The following CNTN4 variants were observed in gnomAD, a reference collection of about 807,000 sequenced individuals.
The protein encoded by CNTN4 is contactin 4.
CNTN4 carries 77 observed loss-of-function variants against 122.5 expected under a neutral mutation model. The ratio of observed to expected loss-of-function variants is 0.63; its 90% CI spans 0.52 to 0.76. The LOEUF (loss-of-function observed/expected upper bound fraction) is 0.76. Ranked by LOEUF, CNTN4 falls within the 30% of genes least tolerant of loss-of-function variation. The probability of loss-of-function intolerance (pLI) is 0.00; values close to 1 mark genes in which losing one functional copy is unlikely to be tolerated. For missense variants in CNTN4, 1,256 were observed against 1,259.1 expected, an observed-to-expected ratio of 1.00 and a Z score of 0.04; for synonymous variants, 512 against 447.0, an observed-to-expected ratio of 1.15 and a Z score of -1.83.
At chr3:2,587,465 C>T (rs2080253431) in intron 4 of CNTN4, among the ~76,000 whole-genome samples, 1 of 152,148 alleles carries the variant, frequency 6.6e-6, no homozygotes, top group South Asian at 2.1e-4. Flanking sequence ...GAGATAAATT[C>T]TTCCTTATCC....
At chr3:2,981,637 A>G (rs76862253) in intron 13 of CNTN4, among the ~76,000 whole-genome samples, 1,647 of 152,338 alleles carry the variant, frequency 0.011, 33 homozygotes, top group African/African-American at 0.037. Flanking sequence ...GGAAAGGAAG[A>G]AAATATCTAA....
intron 14 of CNTN4, 134 bp downstream of exon 14, chr3:2,988,606 A>G (rs1312120547): frequency 9.0e-6 from 8 of 892,756 alleles, no homozygotes; most frequent in Non-Finnish European, 1.5e-5. Context: ...CATCACGGCA[A>G]ACATGATATG....
chr3:2,157,216 A>T (rs17008507), intron 2 of CNTN4, among the ~76,000 whole-genome samples: 22,376 of 152,244 alleles, frequency 0.15, 1,918 homozygotes, highest in South Asian at 0.33. Context: ...ATGAGATTAC[A>T]TAAGACCTGG....
rs77912710 is a variant in CNTN4 at position 2,543,093 on chromosome 3, T to C, written c.-88-28323T>C. ...AGATAAATCTTTACCATTTATTTAG[T>C]TCTTCATTGCTCTGGGAAACCTATA... On this transcript the variant is annotated intron_variant, in intron 3 of 24. Transcript: ENST00000418658. Among the ~76,000 whole-genome samples, 831 of 152,236 alleles carry C rather than the reference T, an allele frequency of 5.5e-3. 7 individuals carry two copies. The highest frequency in any genetic ancestry group is 0.019 in the African/African-American group (786 of 41,554).
At chr3:2,693,472 A>G (rs1225623068) in intron 4 of CNTN4, among the ~76,000 whole-genome samples, 1 of 152,176 alleles carries the variant, frequency 6.6e-6, no homozygotes, top group Non-Finnish European at 1.5e-5. Context: ...AAGCATATAG[A>G]TGGTGACAAA....
intron 2 of CNTN4, among the ~76,000 whole-genome samples, chr3:2,124,964 A>G (rs1410502654): frequency 1.3e-5 from 2 of 152,196 alleles, no homozygotes; most frequent in African/African-American, 4.8e-5. Context: ...TACTGGTAAG[A>G]TCACTTGACA....
intron 3 of CNTN4, among the ~76,000 whole-genome samples, chr3:2,521,724 A>G (rs1296047952): frequency 2.0e-5 from 3 of 152,072 alleles, no homozygotes; most frequent in Admixed American, 2.0e-4. Context: ...CCCCAAGTCT[A>G]TTGACTTTTC....
intron 6 of CNTN4, among the ~76,000 whole-genome samples, chr3:2,762,396 G>T (rs113301549): frequency 0.024 from 3,723 of 152,166 alleles, 161 homozygotes; most frequent in African/African-American, 0.085. Flanking sequence ...CCCAGTATCT[G>T]TTGTTCCCTT....
At chr3:2,414,949 G>T (rs949343623) in intron 3 of CNTN4, among the ~76,000 whole-genome samples, 2 of 152,140 alleles carry the variant, frequency 1.3e-5, no homozygotes, top group African/African-American at 4.8e-5. Flanking sequence ...AGTGAGCCTC[G>T]TTGCAAAACT....
intron 12 of CNTN4, among the ~76,000 whole-genome samples, chr3:2,917,247 A>G (rs1053626605): frequency 6.6e-6 from 1 of 151,846 alleles, no homozygotes; most frequent in African/African-American, 2.4e-5. Flanking sequence ...CCGAGATGGC[A>G]GCAGCACAGT....
intron 19 of CNTN4, chr3:3,039,249 C>T (rs1277719617): frequency 6.9e-6 from 3 of 432,408 alleles, no homozygotes; most frequent in African/African-American, 4.0e-5. Flanking sequence ...AGACAACACA[C>T]GTTACAAAAA....
At chr3:2,720,732 A>G (rs1193328827) in intron 4 of CNTN4, among the ~76,000 whole-genome samples, 1 of 152,186 alleles carries the variant, frequency 6.6e-6, no homozygotes, top group Non-Finnish European at 1.5e-5. Context: ...GAATTTAAAG[A>G]CATTTTGTGT....
At chr3:2,820,284 T>C (rs541105843) in intron 7 of CNTN4, among the ~76,000 whole-genome samples, 6 of 152,270 alleles carry the variant, frequency 3.9e-5, no homozygotes, top group African/African-American at 1.4e-4. Context: ...GGGAAAACAG[T>C]TTACTTACAT....
rs965027101 is a variant in CNTN4 at position 3,055,365 on chromosome 3, CA to C, written c.2981-750del. Among the ~76,000 whole-genome samples, 10 of 152,224 alleles carry C rather than the reference CA, an allele frequency of 6.6e-5. No homozygotes were observed. In the East Asian group the frequency reaches 1.7e-3, roughly 26 times the overall value. The stretch of plus-strand genomic sequence containing the variant: ...TGATGATTCCTGGTTTTATTCATTA[CA>C]AAAACATATATTAAGCAATTATATT... On this transcript the variant is annotated intron_variant, in intron 24 of 24. Coordinates refer to ENST00000418658, the MANE Select transcript of CNTN4 (RefSeq NM_175607.3).
chr3:2,304,970 CTG>C (rs984531544), intron 2 of CNTN4, among the ~76,000 whole-genome samples: 3 of 151,656 alleles, frequency 2.0e-5, no homozygotes, highest in East Asian at 3.9e-4. Context: ...AAGGGCAAAA[CTG>C]AGATTCTAAA....
chr3:2,798,792 T>A (rs2092275404), intron 6 of CNTN4, among the ~76,000 whole-genome samples: 1 of 152,190 alleles, frequency 6.6e-6, no homozygotes, highest in Admixed American at 6.5e-5. Flanking sequence ...ATTACAGGTG[T>A]TAGCCACTGC....
chr3:2,777,137 C>T (rs1489247924), intron 6 of CNTN4, among the ~76,000 whole-genome samples: 5 of 152,292 alleles, frequency 3.3e-5, no homozygotes, highest in South Asian at 4.1e-4. Flanking sequence ...CCCACCACCA[C>T]GCCCAGCTAA....
intron 2 of CNTN4, among the ~76,000 whole-genome samples, chr3:2,167,314 A>G (rs893280281): frequency 1.3e-5 from 2 of 152,214 alleles, no homozygotes; most frequent in Non-Finnish European, 2.9e-5. Flanking sequence ...GGAAAAGTAT[A>G]ACAGCCTCCT....
At chr3:3,041,420 G>T (rs148126891) in intron 20 of CNTN4, among the ~76,000 whole-genome samples, 220 of 152,268 alleles carry the variant, frequency 1.4e-3, no homozygotes, top group Non-Finnish European at 2.6e-3. Context: ...AAAATGAGAG[G>T]AAAAGGGGAA....
Sources: allele counts gnomAD v4.1 joint callset (sites outside exome capture counted in the v4.1 genomes callset), GRCh38; gene constraint gnomAD v4.1.1; transcripts MANE v1.5; gene names NCBI Gene and HGNC (gene_info 2026-07-23, HGNC 2026-07-21).